The following XKR9 variants were observed in gnomAD, a reference collection of about 807,000 sequenced individuals.
The protein encoded by XKR9 is XK-related protein 9.
XKR9 carries 32 observed loss-of-function variants against 32.0 expected under a neutral mutation model. That is an observed-to-expected ratio of 1.00 (90% confidence interval 0.76 to 1.34). The LOEUF (loss-of-function observed/expected upper bound fraction) is 1.34. XKR9 is among the 40% of genes most tolerant of loss of function. XKR9 has a pLI of 0.00. For synonymous variants in XKR9, 168 were observed against 143.4 expected, an observed-to-expected ratio of 1.17 and a Z score of -1.22; for missense variants, 546 against 429.7, an observed-to-expected ratio of 1.27 and a Z score of -2.39.
chr8:71,002,808 C>A, the XKR9 span, among the ~76,000 whole-genome samples: 1 of 152,236 alleles, frequency 6.6e-6, no homozygotes, highest in Non-Finnish European at 1.5e-5. Flanking sequence ...CCATGTCACT[C>A]AGATACCTTC....
chr8:70,921,655 A>G, the XKR9 span, among the ~76,000 whole-genome samples: 1 of 152,208 alleles, frequency 6.6e-6, no homozygotes, highest in East Asian at 1.9e-4. Context: ...CCTGTCAAAA[A>G]TGTGATGGGC....
chr8:70,850,497 C>T, the XKR9 span, among the ~76,000 whole-genome samples: 1 of 146,920 alleles, frequency 6.8e-6, no homozygotes, highest in Non-Finnish European at 1.5e-5. Flanking sequence ...AAGAAAATTT[C>T]AGGCCAATAT....
intron 2 of XKR9, among the ~76,000 whole-genome samples, chr8:70,758,317 ACTC>A (rs1159070639): frequency 6.6e-6 from 1 of 152,108 alleles, no homozygotes; most frequent in Non-Finnish European, 1.5e-5. Flanking sequence ...TAGCTGGTAA[ACTC>A]CAATAATTGC....
chr8:71,057,983 C>T, the XKR9 span, among the ~76,000 whole-genome samples: 1 of 152,006 alleles, frequency 6.6e-6, no homozygotes, highest in Non-Finnish European at 1.5e-5. Flanking sequence ...AGATCGAGAC[C>T]ATCCTGGCTA....
intron 2 of XKR9, among the ~76,000 whole-genome samples, chr8:70,754,363 C>T (rs13261036): frequency 0.25 from 30,064 of 119,148 alleles, 5,685 homozygotes; most frequent in Non-Finnish European, 0.37. Context: ...AGATTCAATG[C>T]CATCCCCATC....
the XKR9 span, among the ~76,000 whole-genome samples, chr8:70,880,221 G>A: frequency 6.6e-5 from 10 of 152,118 alleles, no homozygotes; most frequent in African/African-American, 2.4e-4. Flanking sequence ...CACAAGACAG[G>A]GATGCCCTCT....
chr8:70,735,191 C>T lies in XKR9; in HGVS notation c.*767C>T, dbSNP rs896695086. The T allele has an allele frequency of 6.6e-6, 1 of 151,950 alleles. No homozygotes were observed. Among genetic ancestry groups the T allele is most frequent in the Non-Finnish European group, 1.5e-5 (1 of 67,980 alleles). The allele number at this position is 151,950 out of a possible 1,614,324, so 9.4% of individuals were successfully genotyped here. A position where few individuals can be genotyped will look rare whatever the true frequency, so the allele number is the denominator to read the frequency against. On this transcript the variant is annotated 3_prime_UTR_variant, in exon 5 of 5. Transcript: ENST00000408926. ...TGTTAACTGTATTCACCTTGTGCAA[C>T]AGATCTCAAGGACTTTTTCACCTTG...
rs57039682 is a variant in XKR9 at position 70,687,312 on chromosome 8, C to CTCTTTCTTTCTTTCTTTCTTTCTT, written c.272+6006_272+6029dup. Among the ~76,000 whole-genome samples the CTCTTTCTTTCTTTCTTTCTTTCTT allele has an allele frequency of 4.9e-4, 68 of 138,356 alleles. 1 individual carries two copies. Among genetic ancestry groups the CTCTTTCTTTCTTTCTTTCTTTCTT allele is most frequent in the South Asian group, 1.2e-3 (5 of 4,062 alleles). The allele number at this position is 138,356 out of a possible 152,430, so 90.8% of individuals were successfully genotyped here. A position where few individuals can be genotyped will look rare whatever the true frequency, so the allele number is the denominator to read the frequency against. On this transcript the variant is annotated intron_variant, in intron 3 of 4. Coordinates refer to ENST00000408926, the MANE Select transcript of XKR9 (RefSeq NM_001011720.2). Reference sequence around the variant, plus strand: ...ATGACAGGATTTCTTTCTCTCCTCCCTCTTTCTTTCTTTCTTTCTTTCTTT... The same window carrying CTCTTTCTTTCTTTCTTTCTTTCTT: ...ATGACAGGATTTCTTTCTCTCCTCCCTCTTTCTTTCTTTCTTTCTTTCTTTCTTTCTTTCTTTCTTTCTTTCTTT...
chr8:70,782,395 A>G (rs6998786), intron 2 of XKR9, among the ~76,000 whole-genome samples: 61,321 of 151,878 alleles, frequency 0.4, 13,915 homozygotes, highest in Non-Finnish European at 0.52. Flanking sequence ...CAAATACTTA[A>G]CATATTTGTG....
intron 2 of XKR9, among the ~76,000 whole-genome samples, chr8:70,765,878 GC>G (rs1206953793): frequency 1.3e-5 from 2 of 152,108 alleles, no homozygotes; most frequent in Admixed American, 1.3e-4. Context: ...TTCCCCCATT[GC>G]TTGTTTTTGT....
chr8:70,933,059 C>T, the XKR9 span, among the ~76,000 whole-genome samples: 1 of 152,088 alleles, frequency 6.6e-6, no homozygotes, highest in South Asian at 2.1e-4. Context: ...GGCCTACCTT[C>T]TTCCTGGGGC....
In XKR9 at chr8:70,734,513, T is replaced by G; in HGVS notation, c.*89T>G. ...GTTATGTGGGTGTGTTGTCTCTTAT[T>G]TTTGCCACCTTTAATTTGAAATTAG... is the stretch of plus-strand genomic sequence containing the variant. On this transcript the variant is annotated 3_prime_UTR_variant, in exon 5 of 5. Coordinates refer to ENST00000408926, the MANE Select transcript of XKR9 (RefSeq NM_001011720.2). 7.3e-7 allele frequency: 1 copy of G among 1,373,768 alleles called. No homozygotes were observed. The highest frequency in any genetic ancestry group is 9.4e-7 in the Non-Finnish European group (1 of 1,069,188). 85.1% of individuals were successfully genotyped at this position (1,373,768 alleles called of 1,614,324 possible).
At chr8:70,857,696 C>T in the XKR9 span, among the ~76,000 whole-genome samples, 1 of 152,132 alleles carries the variant, frequency 6.6e-6, no homozygotes, top group Non-Finnish European at 1.5e-5. Context: ...CTCTGATGAA[C>T]ACCGATGTAA....
chr8:70,779,859 T>C, intron 2 of XKR9, among the ~76,000 whole-genome samples: 1 of 152,120 alleles, frequency 6.6e-6, no homozygotes, highest in East Asian at 1.9e-4. Context: ...TCTTTATTAG[T>C]CTTGCTAGCA....
the XKR9 span, among the ~76,000 whole-genome samples, chr8:70,797,249 G>A: frequency 3.9e-5 from 6 of 152,186 alleles, no homozygotes; most frequent in Non-Finnish European, 8.8e-5. Flanking sequence ...GAGAGGTAGT[G>A]TGGAGAGTAG....
the XKR9 span, among the ~76,000 whole-genome samples, chr8:70,876,108 G>A: frequency 1.6e-4 from 24 of 151,810 alleles, no homozygotes; most frequent in Non-Finnish European, 3.1e-4. Flanking sequence ...TAACATATCA[G>A]AACTATTTTT....
chr8:70,733,744 A>C, intron 4 of XKR9, 52 bp from the exon 5 acceptor site: 1 of 1,400,396 alleles, frequency 7.1e-7, no homozygotes, highest in Non-Finnish European at 9.4e-7. Flanking sequence ...ATAGTAATCT[A>C]ATATTTCTAT....
intron 3 of XKR9, among the ~76,000 whole-genome samples, chr8:70,702,975 G>C (rs1805591535): frequency 2.6e-5 from 4 of 152,078 alleles, no homozygotes; most frequent in African/African-American, 9.7e-5. Flanking sequence ...TTGTTTCCCT[G>C]TGAGGAATAT....
intron 3 of XKR9, among the ~76,000 whole-genome samples, chr8:70,702,534 C>T (rs1248959935): frequency 2.0e-5 from 3 of 152,126 alleles, no homozygotes; most frequent in Non-Finnish European, 2.9e-5. Flanking sequence ...AAATCCTCAA[C>T]TGAGAATGCG....
Sources: allele counts gnomAD v4.1 joint callset (sites outside exome capture counted in the v4.1 genomes callset), GRCh38; gene constraint gnomAD v4.1.1; transcripts MANE v1.5; gene names NCBI Gene and HGNC (gene_info 2026-07-23, HGNC 2026-07-21).